Variants in PACRG observed in about 807,000 individuals in gnomAD.
PACRG encodes the protein parkin coregulated, also known as parkin coregulated gene protein.
PACRG carries 29 observed loss-of-function variants against 29.7 expected under a neutral mutation model. The observed-to-expected ratio is 0.98, with a 90% CI of 0.73 to 1.33. The LOEUF is 1.33. PACRG is among the 40% of genes most tolerant of loss of function. The pLI, the probability that PACRG is intolerant of heterozygous loss-of-function variation, is 0.00. For missense variants in PACRG, 279 were observed against 316.2 expected (o/e 0.88, Z 0.89); for synonymous variants, 116 against 118.7 (o/e 0.98, Z 0.15).
At position 163,314,835 on chromosome 6, in the gene PACRG, G is replaced by A. The variant is rs1181798892; in HGVS notation, c.622G>A (p.Gly208Arg). ...NIFKNMNVNS[G>R]DGIDYSQQKR... ...GTGTTTGCATGCACCAGTGAACTCC[G>A]GAGACGGCATTGACTACAGCCAGCA... Residue 208 changes from glycine (G) to arginine (R), a missense_variant, in exon 5 of 5, where the codon GGA (glycine) becomes AGA (arginine). Physicochemically the swap from Gly to Arg is moderately radical, Grantham distance 125 (BLOSUM62 -2). Transcript: ENST00000366888. The A allele has an allele frequency of 3.1e-6, 5 of 1,613,746 alleles. No individual in the cohort carries two copies. Among genetic ancestry groups the A allele is most frequent in the South Asian group, 1.1e-5 (1 of 91,026 alleles).
At chr6:163,026,150 G>A (rs1174848671) in intron 2 of PACRG, among the ~76,000 whole-genome samples, 1 of 152,058 alleles carries the variant, frequency 6.6e-6, no homozygotes, top group East Asian at 1.9e-4. Context: ...TTAAACTACA[G>A]CCTTTTATAA....
intron 4 of PACRG, among the ~76,000 whole-genome samples, chr6:163,114,265 C>T (rs929553843): frequency 6.6e-6 from 1 of 152,096 alleles, no homozygotes; most frequent in South Asian, 2.1e-4. Context: ...ACAACAACAA[C>T]AACAAAACCT....
At chr6:162,914,162 T>G (rs1468105745) in intron 2 of PACRG, among the ~76,000 whole-genome samples, 2 of 152,176 alleles carry the variant, frequency 1.3e-5, no homozygotes, top group East Asian at 3.9e-4. Context: ...CTCCTATGCT[T>G]TGTTTGTCAC....
intron 4 of PACRG, among the ~76,000 whole-genome samples, chr6:163,197,329 A>G (rs1057284384): frequency 6.6e-6 from 1 of 152,170 alleles, no homozygotes; most frequent in Non-Finnish European, 1.5e-5. Flanking sequence ...AAAGGAAGAA[A>G]AAAGAAATAC....
intron 3 of PACRG, among the ~76,000 whole-genome samples, chr6:163,084,800 T>A (rs1035936660): frequency 7.6e-6 from 1 of 131,548 alleles, no homozygotes; most frequent in South Asian, 2.7e-4. Flanking sequence ...ATAAACCTAA[T>A]AAAAATTTAA....
intron 2 of PACRG, among the ~76,000 whole-genome samples, chr6:162,910,423 A>G (rs985089236): frequency 8.3e-4 from 127 of 152,298 alleles, no homozygotes; most frequent in African/African-American, 2.8e-3. Context: ...TCTGTATAAG[A>G]TTGTAACATG....
chr6:162,967,715 G>A (rs1302285531), intron 2 of PACRG, among the ~76,000 whole-genome samples: 2 of 151,984 alleles, frequency 1.3e-5, no homozygotes, highest in Non-Finnish European at 2.9e-5. Context: ...CACCATGTTA[G>A]CCGGGATGGT....
At chr6:163,119,030 G>T (rs541681635) in intron 4 of PACRG, among the ~76,000 whole-genome samples, 1 of 152,340 alleles carries the variant, frequency 6.6e-6, no homozygotes, top group South Asian at 2.1e-4. Context: ...CACCCAGAGT[G>T]GACTCTGCTT....
intron 2 of PACRG, among the ~76,000 whole-genome samples, chr6:162,969,487 C>G (rs116930221): frequency 6.6e-6 from 1 of 152,084 alleles, no homozygotes; most frequent in Non-Finnish European, 1.5e-5. Flanking sequence ...CATCTCCCCC[C>G]ACTATTCCAT....
intron 2 of PACRG, among the ~76,000 whole-genome samples, chr6:162,898,980 A>G (rs73786125): frequency 0.037 from 5,587 of 152,276 alleles, 354 homozygotes; most frequent in African/African-American, 0.13. Context: ...ATGAACACTT[A>G]TAAACCAAAG....
chr6:163,151,669 GA>G (rs1439377049), intron 4 of PACRG, among the ~76,000 whole-genome samples: 1 of 152,188 alleles, frequency 6.6e-6, no homozygotes, highest in Non-Finnish European at 1.5e-5. Flanking sequence ...CAGTAAGCAT[GA>G]ATTCAGCCAC....
intron 4 of PACRG, among the ~76,000 whole-genome samples, chr6:163,226,204 G>A (rs1781789144): frequency 6.6e-6 from 1 of 152,240 alleles, no homozygotes; most frequent in Non-Finnish European, 1.5e-5. Context: ...GGAGCCTGGG[G>A]AAGGAAAGCG....
intron 1 of PACRG, among the ~76,000 whole-genome samples, chr6:162,738,381 A>G (rs1261833527): frequency 6.6e-6 from 1 of 152,222 alleles, no homozygotes; most frequent in Non-Finnish European, 1.5e-5. Context: ...AGTGTACGTA[A>G]GACGTTCAGA....
Position 163,093,414 on chromosome 6 carries a change from C to T in PACRG, c.613+4006C>T, listed in dbSNP as rs79903610. Reference sequence around the variant, plus strand: ...CAATTTATTCTTTCCTATGTTCTTTCACAAATGTTATTAAAGGTTACAGAA... The same window carrying T: ...CAATTTATTCTTTCCTATGTTCTTTTACAAATGTTATTAAAGGTTACAGAA... On this transcript the variant is annotated intron_variant, in intron 4 of 4. Transcript: ENST00000366888. 4.5e-3 allele frequency among the ~76,000 whole-genome samples: 683 copies of T among 152,280 alleles called. 4 individuals carry two copies. Among genetic ancestry groups the T allele is most frequent in the African/African-American group, 0.016 (651 of 41,556 alleles).
Position 162,989,687 on chromosome 6 carries a change from C to T in PACRG, c.292-72463C>T, listed in dbSNP as rs765111974. On this transcript the variant is annotated intron_variant, in intron 2 of 4. Coordinates refer to ENST00000366888, the MANE Select transcript of PACRG (RefSeq NM_001080379.2). The stretch of plus-strand genomic sequence containing the variant: ...GGATTGAATCCACAGATTGAAAACC[C>T]GCAGATATGGAGGGCTGACTGTGTT... Among the ~76,000 whole-genome samples, 12 of 150,808 alleles carry T rather than the reference C, an allele frequency of 8.0e-5. No homozygotes were observed. In the East Asian group the frequency reaches 1.4e-3, roughly 17 times the overall value.
intron 4 of PACRG, among the ~76,000 whole-genome samples, chr6:163,163,665 A>G (rs1443043938): frequency 1.3e-5 from 2 of 151,166 alleles, no homozygotes; most frequent in Non-Finnish European, 2.9e-5. Context: ...TTATTCTTGT[A>G]TCTGTGTTAT....
At chr6:162,904,234 C>T (rs770152372) in intron 2 of PACRG, among the ~76,000 whole-genome samples, 6 of 152,214 alleles carry the variant, frequency 3.9e-5, no homozygotes, top group Admixed American at 6.5e-5. Flanking sequence ...TACAGAATAC[C>T]TTCACAGAAA....
At chr6:162,889,330 T>G (rs929659665) in intron 2 of PACRG, among the ~76,000 whole-genome samples, 1 of 152,214 alleles carries the variant, frequency 6.6e-6, no homozygotes, top group East Asian at 1.9e-4. Context: ...GGCTATGATA[T>G]TCAGTTTTTG....
chr6:163,264,301 A>G (rs1214965845), intron 4 of PACRG, among the ~76,000 whole-genome samples: 1 of 152,116 alleles, frequency 6.6e-6, no homozygotes, highest in African/African-American at 2.4e-5. Context: ...CTCACAGTAC[A>G]CTTTCTGCAT....
Sources: gnomAD v4.1 joint callset for allele counts (sites outside exome capture counted in the v4.1 genomes callset) on GRCh38, gnomAD v4.1.1 for gene constraint, MANE v1.5 for transcripts, NCBI Gene and HGNC (gene_info 2026-07-23, HGNC 2026-07-21) for gene names.